The following FAM171A1 variants were observed in gnomAD, a reference collection of about 807,000 sequenced individuals.
FAM171A1 encodes family with sequence similarity 171 member A1.
Under a neutral mutation model 74.9 loss-of-function variants are expected in FAM171A1, and 23 were observed. The ratio of observed to expected loss-of-function variants is 0.31; its 90% CI spans 0.22 to 0.44. FAM171A1 has a LOEUF of 0.44. Ranked by LOEUF, FAM171A1 falls within the 20% of genes least tolerant of loss-of-function variation. The pLI is 1.00. For synonymous variants in FAM171A1, 527 were observed against 505.7 expected (o/e 1.04, Z -0.57); for missense variants, 1,162 against 1,159.2 (o/e 1.00, Z -0.03).
intron 1 of FAM171A1, among the ~76,000 whole-genome samples, chr10:15,332,432 C>T (rs1365311678): frequency 1.3e-5 from 2 of 152,136 alleles, no homozygotes; most frequent in Non-Finnish European, 2.9e-5. Context: ...TTCTATACTT[C>T]TCAATGCTGC....
chr10:15,232,775 A>G (rs1834224182), intron 5 of FAM171A1, among the ~76,000 whole-genome samples: 1 of 152,206 alleles, frequency 6.6e-6, no homozygotes, highest in South Asian at 2.1e-4. Context: ...AAACTGGGAA[A>G]GGGGATTTGG....
chr10:15,341,066 G>C (rs944337157), intron 1 of FAM171A1, among the ~76,000 whole-genome samples: 8 of 152,212 alleles, frequency 5.3e-5, no homozygotes, highest in Non-Finnish European at 1.2e-4. Context: ...ACCTACAAGT[G>C]ATAGTGAGAC....
chr10:15,311,842 C>A (rs970052403), intron 1 of FAM171A1, among the ~76,000 whole-genome samples: 2 of 152,348 alleles, frequency 1.3e-5, no homozygotes, highest in Admixed American at 6.5e-5. Context: ...CATTCACAGT[C>A]AATATGGCTT....
At chr10:15,229,402 CTCA>C (rs928252098) in intron 5 of FAM171A1, among the ~76,000 whole-genome samples, 14 of 151,916 alleles carry the variant, frequency 9.2e-5, no homozygotes, top group African/African-American at 1.5e-4. Flanking sequence ...ATGGCAAACA[CTCA>C]TCATCATCAT....
intron 5 of FAM171A1, among the ~76,000 whole-genome samples, chr10:15,233,646 G>A (rs982276309): frequency 1.3e-5 from 2 of 152,062 alleles, no homozygotes; most frequent in Admixed American, 6.5e-5. Flanking sequence ...GCTCACGCCT[G>A]TAATCCCAGC....
At position 15,214,001 on chromosome 10, in the gene FAM171A1, T is replaced by C; in HGVS notation, c.1587A>G (p.Glu529=). ...CAGTGGGTCTGCGGTCCAGCAGCTGTTCTTTCTCAGGTGATGAAGGCGCGG... is the reference window on the plus strand; with the variant it reads ...CAGTGGGTCTGCGGTCCAGCAGCTGCTCTTTCTCAGGTGATGAAGGCGCGG... ...LYPAPSSPEK[E]QLLDRRPTEC... Residue 529 remains glutamate, a synonymous_variant, in exon 8 of 8, where the codon GAA becomes GAG. Coordinates refer to ENST00000378116, the MANE Select transcript of FAM171A1 (RefSeq NM_001010924.2). 6.2e-7 allele frequency: 1 copy of C among 1,614,160 alleles called. No homozygotes were observed. The highest frequency in any genetic ancestry group is 1.1e-5 in the South Asian group (1 of 91,078).
intron 1 of FAM171A1, among the ~76,000 whole-genome samples, chr10:15,312,639 T>C (rs1362404359): frequency 1.5e-5 from 2 of 137,284 alleles, no homozygotes; most frequent in African/African-American, 2.7e-5. Context: ...CACCGGAATG[T>C]AAATCAACTA....
intron 5 of FAM171A1, among the ~76,000 whole-genome samples, chr10:15,246,265 C>G (rs1834433682): frequency 6.6e-6 from 1 of 152,238 alleles, no homozygotes; most frequent in African/African-American, 2.4e-5. Context: ...ATCAAGTTTA[C>G]TGTGGCTGGT....
chr10:15,229,385 C>A (rs1309507621), intron 5 of FAM171A1, among the ~76,000 whole-genome samples: 1 of 152,090 alleles, frequency 6.6e-6, no homozygotes, highest in Non-Finnish European at 1.5e-5. Context: ...ATGCACCTCT[C>A]AGATCCATGG....
chr10:15,298,981 C>A (rs528242828), intron 1 of FAM171A1, among the ~76,000 whole-genome samples: 33 of 152,250 alleles, frequency 2.2e-4, no homozygotes, highest in African/African-American at 7.0e-4. Flanking sequence ...AGTGCAGTGG[C>A]ATGATCTCGG....
chr10:15,249,098 C>A (rs60367752), intron 4 of FAM171A1, among the ~76,000 whole-genome samples: 1 of 133,886 alleles, frequency 7.5e-6, no homozygotes. Flanking sequence ...TTTCTTTTTT[C>A]TTTTTTTTTT....
chr10:15,221,075 A>T lies in FAM171A1; in HGVS notation c.755-15T>A, dbSNP rs576966906. 9 of 1,607,782 alleles carry T rather than the reference A, an allele frequency of 5.6e-6. No homozygotes were observed. The African/African-American group carries it at 9.3e-5, about 17-fold the overall frequency. ...CAGCCACGTTCCTGTGGAATTGAGA[A>T]AGAGATGTTAGCTACAAGCACACCA... On this transcript the variant is annotated splice_polypyrimidine_tract_variant and intron_variant, in intron 5 of 7. Transcript: ENST00000378116.
intron 1 of FAM171A1, among the ~76,000 whole-genome samples, chr10:15,304,500 C>T (rs1314421118): frequency 6.6e-6 from 1 of 152,126 alleles, no homozygotes; most frequent in African/African-American, 2.4e-5. Context: ...CCCCAGAACC[C>T]ATCAAAATTA....
At chr10:15,315,651 T>C (rs1835413545) in intron 1 of FAM171A1, among the ~76,000 whole-genome samples, 1 of 152,228 alleles carries the variant, frequency 6.6e-6, no homozygotes, top group Admixed American at 6.5e-5. Flanking sequence ...GAATTTACTC[T>C]ATTCTCACTA....
intron 3 of FAM171A1, among the ~76,000 whole-genome samples, chr10:15,274,140 C>T (rs1248907939): frequency 2.6e-5 from 4 of 152,190 alleles, no homozygotes; most frequent in South Asian, 2.1e-4. Flanking sequence ...AAAACCCCAT[C>T]GTCTCAGCCC....
chr10:15,291,964 T>C (rs1026568275), intron 1 of FAM171A1, among the ~76,000 whole-genome samples: 1 of 152,226 alleles, frequency 6.6e-6, no homozygotes, highest in Non-Finnish European at 1.5e-5. Context: ...GCATATATTT[T>C]AGTCTGTTTA....
intron 4 of FAM171A1, 114 bp from the exon 5 acceptor site, chr10:15,248,929 G>C: frequency 1.1e-6 from 1 of 943,830 alleles, no homozygotes; most frequent in South Asian, 1.9e-5. Context: ...GCCAGGGACT[G>C]CATGAAGCAC....
intron 1 of FAM171A1, among the ~76,000 whole-genome samples, chr10:15,339,411 A>G (rs1835738272): frequency 6.6e-6 from 1 of 152,152 alleles, no homozygotes; most frequent in Non-Finnish European, 1.5e-5. Context: ...TGGCTATGAC[A>G]GTTTCTCAGA....
intron 1 of FAM171A1, among the ~76,000 whole-genome samples, chr10:15,293,559 AT>A (rs1463241974): frequency 2.3e-3 from 12 of 5,304 alleles, no homozygotes; most frequent in African/African-American, 0.012. Flanking sequence ...AAAAAAAAAT[AT>A]ATATATATAT....
Sources: gnomAD v4.1 joint callset for allele counts (sites outside exome capture counted in the v4.1 genomes callset) on GRCh38, gnomAD v4.1.1 for gene constraint, MANE v1.5 for transcripts, NCBI Gene and HGNC (gene_info 2026-07-23, HGNC 2026-07-21) for gene names.